Variants in AGO3 observed in about 807,000 individuals in gnomAD.
The protein encoded by AGO3 is protein argonaute-3.
AGO3 carries 16 observed loss-of-function variants against 105.5 expected under a neutral mutation model. The observed-to-expected ratio is 0.15, with a 90% CI of 0.10 to 0.23. The LOEUF (loss-of-function observed/expected upper bound fraction) is 0.23. AGO3 is among the 10% of genes least tolerant of loss of function. The probability of loss-of-function intolerance (pLI) is 1.00; values close to 1 mark genes in which losing one functional copy is unlikely to be tolerated. For missense variants in AGO3, 534 were observed against 1,088.0 expected, an observed-to-expected ratio of 0.49 and a Z score of 7.16; for synonymous variants, 340 against 367.3, an observed-to-expected ratio of 0.93 and a Z score of 0.85.
chr1:36,016,421 A>T (rs1184954379), intron 11 of AGO3, among the ~76,000 whole-genome samples: 1 of 152,128 alleles, frequency 6.6e-6, no homozygotes, highest in African/African-American at 2.4e-5. Context: ...ACCTGAGGTG[A>T]TCTGCCTGCC....
intron 11 of AGO3, among the ~76,000 whole-genome samples, chr1:36,019,261 G>C (rs1334515636): frequency 6.6e-6 from 1 of 152,114 alleles, no homozygotes; most frequent in Non-Finnish European, 1.5e-5. Context: ...AGATACAGAA[G>C]GTTCTGTTAT....
chr1:35,971,930 C>A (rs951248889), intron 3 of AGO3, 94 bp from the exon 4 acceptor site: 11 of 1,215,118 alleles, frequency 9.1e-6, no homozygotes, highest in Non-Finnish European at 1.2e-5. Context: ...TTATTTTTGC[C>A]ATGTTTTCTC....
intron 5 of AGO3, among the ~76,000 whole-genome samples, chr1:36,003,694 CA>C (rs1209511459): frequency 0.011 from 611 of 53,440 alleles, 9 homozygotes; most frequent in East Asian, 0.045. Flanking sequence ...AAGTCTGTCT[CA>C]AAAAAAAAAA....
At chr1:35,995,994 A>G (rs1445242338) in intron 5 of AGO3, among the ~76,000 whole-genome samples, 1 of 152,122 alleles carries the variant, frequency 6.6e-6, no homozygotes, top group Non-Finnish European at 1.5e-5. Context: ...TTGTTAATAA[A>G]TTGAAAACCA....
At chr1:35,996,568 C>T (rs187613253) in intron 5 of AGO3, among the ~76,000 whole-genome samples, 3 of 151,932 alleles carry the variant, frequency 2.0e-5, no homozygotes, top group East Asian at 1.9e-4. Context: ...GTCAGGAGTT[C>T]GAGACCAGCC....
At chr1:36,031,189 A>G (rs894135499) in intron 12 of AGO3, among the ~76,000 whole-genome samples, 13 of 152,096 alleles carry the variant, frequency 8.5e-5, no homozygotes, top group African/African-American at 3.1e-4. Flanking sequence ...TGTTTTTTAG[A>G]GACAGGTCTT....
chr1:35,980,528 T>G (rs925701380), intron 5 of AGO3, among the ~76,000 whole-genome samples: 1 of 152,270 alleles, frequency 6.6e-6, no homozygotes, highest in Non-Finnish European at 1.5e-5. Flanking sequence ...CAGTTTGTCC[T>G]CAAGTTGTTT....
chr1:35,942,985 GT>G (rs1219269596), intron 1 of AGO3, among the ~76,000 whole-genome samples: 1 of 151,820 alleles, frequency 6.6e-6, no homozygotes, highest in Non-Finnish European at 1.5e-5. Flanking sequence ...ATTATATAGT[GT>G]TTGTCATTCT....
intron 9 of AGO3, among the ~76,000 whole-genome samples, chr1:36,011,289 C>T (rs1441303978): frequency 6.6e-6 from 1 of 152,014 alleles, no homozygotes; most frequent in Non-Finnish European, 1.5e-5. Context: ...ATTTTTTAAC[C>T]TTAGTAATTT....
At position 36,016,496 on chromosome 1, in the gene AGO3, C is replaced by T. The variant is rs568827786; in HGVS notation, c.1406+2448C>T. 2.6e-5 allele frequency among the ~76,000 whole-genome samples: 4 copies of T among 152,104 alleles called. No homozygotes were observed. The East Asian group carries it at 7.7e-4, about 29-fold the overall frequency. The stretch of plus-strand genomic sequence containing the variant: ...TGCGCCTGGCCTAGGTTACAGTTTA[C>T]GATGTTCAGAGAAACCTCTAGACTG... On this transcript the variant is annotated intron_variant, in intron 11 of 18. Coordinates refer to ENST00000373191, the MANE Select transcript of AGO3 (RefSeq NM_024852.4).
At position 36,071,869 on chromosome 1, in the gene AGO3, G is replaced by C. The variant is rs1569985686; in HGVS notation, c.*16124G>C. 1.3e-5 allele frequency: 2 copies of C among 152,138 alleles called. No individual in the cohort carries two copies. Among genetic ancestry groups the C allele is most frequent in the Non-Finnish European group, 2.9e-5 (2 of 68,020 alleles). 9.4% of individuals were successfully genotyped at this position (152,138 alleles called of 1,614,324 possible). ...AAACTTTATGGTGGAGAATGGATGA[G>C]AGCAAGTCTATGATATATATGTAGT... is the stretch of plus-strand genomic sequence containing the variant. On this transcript the variant is annotated 3_prime_UTR_variant, in exon 19 of 19. Coordinates refer to ENST00000373191, the MANE Select transcript of AGO3 (RefSeq NM_024852.4).
chr1:35,965,984 C>G (rs992022644), intron 2 of AGO3, among the ~76,000 whole-genome samples: 4 of 151,960 alleles, frequency 2.6e-5, no homozygotes, highest in African/African-American at 9.7e-5. Flanking sequence ...CGCCACTGTA[C>G]CCGGCTAATT....
chr1:35,952,666 T>A (rs1646495506), intron 2 of AGO3, among the ~76,000 whole-genome samples: 1 of 152,190 alleles, frequency 6.6e-6, no homozygotes, highest in Admixed American at 6.5e-5. Flanking sequence ...CAAATACCAC[T>A]GTATTACAGT....
intron 5 of AGO3, among the ~76,000 whole-genome samples, chr1:35,990,967 A>G (rs1190995672): frequency 6.6e-6 from 1 of 152,202 alleles, no homozygotes; most frequent in Non-Finnish European, 1.5e-5. Context: ...AACTAAAGAT[A>G]TCTGGATCAG....
chr1:35,931,602 C>T (rs760677300), intron 1 of AGO3, among the ~76,000 whole-genome samples, 157 bp downstream of exon 1: 6 of 152,260 alleles, frequency 3.9e-5, no homozygotes, highest in Non-Finnish European at 8.8e-5. Flanking sequence ...GACCTCCCCG[C>T]AGCCCAGCCC....
At chr1:35,969,677 G>A (rs754400439) in intron 3 of AGO3, among the ~76,000 whole-genome samples, 1 of 152,092 alleles carries the variant, frequency 6.6e-6, no homozygotes, top group Non-Finnish European at 1.5e-5. Context: ...TATGCTCTGC[G>A]AAATGTGTCC....
intron 9 of AGO3, among the ~76,000 whole-genome samples, chr1:36,011,531 A>G (rs970912692): frequency 2.6e-5 from 4 of 152,192 alleles, no homozygotes; most frequent in East Asian, 1.9e-4. Context: ...AAAAGTCTCA[A>G]TAACTCACTG....
At chr1:35,996,753 G>A (rs1365504185) in intron 5 of AGO3, among the ~76,000 whole-genome samples, 1 of 142,894 alleles carries the variant, frequency 7.0e-6, no homozygotes, top group East Asian at 2.0e-4. Flanking sequence ...CCTGGGCGAC[G>A]AGCAAAACTC....
intron 5 of AGO3, among the ~76,000 whole-genome samples, chr1:35,997,510 T>C (rs1376498556): frequency 2.0e-5 from 3 of 152,210 alleles, no homozygotes; most frequent in Admixed American, 1.3e-4. Context: ...TACAGTGTAC[T>C]GTGTTGCCAG....
Sources: allele counts gnomAD v4.1 joint callset (sites outside exome capture counted in the v4.1 genomes callset), GRCh38; gene constraint gnomAD v4.1.1; transcripts MANE v1.5; gene names NCBI Gene and HGNC (gene_info 2026-07-23, HGNC 2026-07-21).